The following ITPRIPL2 variants were observed in gnomAD, a reference collection of about 807,000 sequenced individuals.
ITPRIPL2 encodes ITPRIP like 2.
ITPRIPL2 carries 29 observed loss-of-function variants against 31.7 expected under a neutral mutation model. That is an observed-to-expected ratio of 0.91 (90% CI 0.68 to 1.25). ITPRIPL2 has a LOEUF of 1.25. Among genes scored for constraint, ITPRIPL2 ranks in the 50% most tolerant of loss-of-function variants. The pLI, the probability that ITPRIPL2 is intolerant of heterozygous loss-of-function variation, is 0.00. For missense variants in ITPRIPL2, 696 were observed against 739.1 expected (o/e 0.94, Z 0.68); for synonymous variants, 344 against 343.4 (o/e 1.00, Z -0.02).
chr16:19,115,218 C>A lies in ITPRIPL2; in HGVS notation c.757C>A (p.Arg253Ser), dbSNP rs1408005559. The change falls in exon 1 of 1, where the codon CGC (arginine) becomes AGC (serine). Residue 253 changes from arginine to serine, a missense_variant. Physicochemically the swap from Arg to Ser is moderately radical, Grantham distance 110 (BLOSUM62 -1). Transcript: ENST00000381440. ...TCACCTCTCTGCTACTCTGGTGCTG[C>A]GCTGGTTCCAGTCGCATCTGCAGCG... is the stretch of plus-strand genomic sequence containing the variant. ...RRHLSATLVL[R>S]WFQSHLQRSL... 3.1e-6 allele frequency: 5 copies of A among 1,609,526 alleles called. No homozygotes were observed. The highest frequency in any genetic ancestry group is 4.2e-6 in the Non-Finnish European group (5 of 1,180,012).
chr16:19,116,284 C>T lies in ITPRIPL2; in HGVS notation c.*215C>T. 1 of 514,218 alleles carries T rather than the reference C, an allele frequency of 1.9e-6. No homozygotes were observed. The highest frequency in any genetic ancestry group is 3.5e-6 in the Non-Finnish European group (1 of 286,398). 31.9% of individuals were successfully genotyped at this position (514,218 alleles called of 1,614,324 possible). ...CACCCACTAGAGTGTCCTGGGCAAA[C>T]CATGGGAAGACATCCAACAGGAGAC... On this transcript the variant is annotated 3_prime_UTR_variant, in exon 1 of 1. Coordinates refer to ENST00000381440, the MANE Select transcript of ITPRIPL2 (RefSeq NM_001034841.4).
At position 19,115,017 on chromosome 16, in the gene ITPRIPL2, G is replaced by T; in HGVS notation, c.556G>T (p.Val186Leu). Reference sequence around the variant, plus strand: ...GGTGCCACTGCGCCTCCCGCCGCTTGTGGCGCTGGAGCCACGGAGCCTGGG... The same window carrying T: ...GGTGCCACTGCGCCTCCCGCCGCTTTTGGCGCTGGAGCCACGGAGCCTGGG... Reference protein sequence around the residue: ...VLVPLRLPPLVALEPRSLGEE... With the variant: ...VLVPLRLPPLLALEPRSLGEE... Residue 186 changes from valine (V) to leucine (L), a missense_variant, in exon 1 of 1, where the codon GTG becomes TTG. Physicochemically the swap from Val to Leu is conservative, Grantham distance 32 (BLOSUM62 1). Transcript: ENST00000381440. The T allele has an allele frequency of 6.3e-7, 1 of 1,598,890 alleles. No individual in the cohort carries two copies. Among genetic ancestry groups the T allele is most frequent in the Non-Finnish European group, 8.5e-7 (1 of 1,179,390 alleles).
In ITPRIPL2 at chr16:19,116,725, A is replaced by G. The variant is rs1439571092; in HGVS notation, c.*656A>G. On this transcript the variant is annotated 3_prime_UTR_variant, in exon 1 of 1. Transcript: ENST00000381440. ...AAGGCAATCGAGAGTTGGTTAGAGA[A>G]GCTTCCAGAGAAAATAGCACTTTAT... The G allele has an allele frequency of 1.2e-5, 2 of 167,132 alleles. No individual in the cohort carries two copies. Among genetic ancestry groups the G allele is most frequent in the African/African-American group, 4.8e-5 (2 of 41,480 alleles). 10.4% of individuals were successfully genotyped at this position (167,132 alleles called of 1,614,324 possible).
Position 19,114,349 on chromosome 16 carries a change from A to T in ITPRIPL2, c.-113A>T. ...GCCTGCGTTCGGGAAGCCGCCGCGG[A>T]GGAGGAGACGGGGACAGCGGGGCTG... On this transcript the variant is annotated 5_prime_UTR_variant, in exon 1 of 1. Transcript: ENST00000381440. The T allele has an allele frequency of 1.3e-6, 1 of 799,618 alleles. No homozygotes were observed. The highest frequency in any genetic ancestry group is 1.7e-6 in the Non-Finnish European group (1 of 592,876). 49.5% of individuals were successfully genotyped at this position (799,618 alleles called of 1,614,324 possible).
rs747687077 is a variant in ITPRIPL2 at position 19,114,012 on chromosome 16, C to A, written c.-450C>A. 18 of 396,460 alleles carry A rather than the reference C, an allele frequency of 4.5e-5. No individual in the cohort carries two copies. Among genetic ancestry groups the A allele is most frequent in the Non-Finnish European group, 7.6e-5 (17 of 224,690 alleles). 24.6% of individuals were successfully genotyped at this position (396,460 alleles called of 1,614,324 possible). ...TCGGCTCCAGACTCCGGCATTTCCTCCCCGCTAGCTGGCGCGGCCTCGCCT... is the reference window on the plus strand; with the variant it reads ...TCGGCTCCAGACTCCGGCATTTCCTACCCGCTAGCTGGCGCGGCCTCGCCT... On this transcript the variant is annotated 5_prime_UTR_variant, in exon 1 of 1. Transcript: ENST00000381440.
Position 19,115,545 on chromosome 16 carries a change from C to A in ITPRIPL2, c.1084C>A (p.Leu362Met). The change falls in exon 1 of 1, where the codon CTG becomes ATG. Residue 362 changes from leucine (L) to methionine (M), a missense_variant. By Grantham distance (15) the Leu-to-Met change is conservative. Coordinates refer to ENST00000381440, the MANE Select transcript of ITPRIPL2 (RefSeq NM_001034841.4). ...ARQEQKLLSW[L>M]QERAAPGACY... is the part of the protein sequence containing the mutation. ...CCAGGAGCAGAAGCTGCTGAGTTGG[C>A]TGCAGGAACGGGCAGCTCCAGGTGC... The A allele has an allele frequency of 6.2e-7, 1 of 1,602,368 alleles. No individual in the cohort carries two copies. The highest frequency in any genetic ancestry group is 8.5e-7 in the Non-Finnish European group (1 of 1,178,126).
rs1963396214 is a variant in ITPRIPL2 at position 19,114,080 on chromosome 16, C to CAGGCGCGGAG, written c.-378_-369dup. ...ACTCCCGGGGTCCGAGTAACAGGGT[C>CAGGCGCGGAG]AGGCGCGGAGAGGAGCGGCGGGAGA... On this transcript the variant is annotated 5_prime_UTR_variant, in exon 1 of 1. Coordinates refer to ENST00000381440, the MANE Select transcript of ITPRIPL2 (RefSeq NM_001034841.4). 2.5e-6 allele frequency: 1 copy of CAGGCGCGGAG among 397,698 alleles called. No homozygotes were observed. Among genetic ancestry groups the CAGGCGCGGAG allele is most frequent in the Non-Finnish European group, 4.4e-6 (1 of 225,458 alleles). The allele number at this position is 397,698 out of a possible 1,614,324, so 24.6% of individuals were successfully genotyped here. A position where few individuals can be genotyped will look rare whatever the true frequency, so the allele number is the denominator to read the frequency against.
rs1434522787 is a variant in ITPRIPL2 at position 19,115,762 on chromosome 16, T to C, written c.1301T>C (p.Leu434Ser). The change falls in exon 1 of 1, where the codon TTG becomes TCG. Residue 434 changes from leucine (L) to serine (S), a missense_variant. Transcript: ENST00000381440. ...GACGAGGAGCACCTGGGAAGGTGTT[T>C]GGAGGAGTTGGTGCAGTTCCTTAGG... ...GWDEEHLGRC[L>S]EELVQFLRDC... 6.2e-7 allele frequency: 1 copy of C among 1,613,018 alleles called. No homozygotes were observed. Among genetic ancestry groups the C allele is most frequent in the Non-Finnish European group, 8.5e-7 (1 of 1,179,986 alleles).
Position 19,115,907 on chromosome 16 carries a change from C to G in ITPRIPL2, c.1446C>G (p.Ala482=). The G allele has an allele frequency of 6.2e-7, 1 of 1,612,070 alleles. No homozygotes were observed. The highest frequency in any genetic ancestry group is 2.2e-5 in the East Asian group (1 of 44,868). Reference sequence around the variant, plus strand: ...AAGCCGCCCCAGTTGACCTCCTGGCCGCTTTCGACGGGCACGCCCGGGAAC... The same window carrying G: ...AAGCCGCCCCAGTTGACCTCCTGGCGGCTTTCGACGGGCACGCCCGGGAAC... ...LREAAPVDLL[A]AFDGHARELA... The change falls in exon 1 of 1, where the codon GCC becomes GCG. Residue 482 remains alanine (A), a synonymous_variant. Transcript: ENST00000381440.
rs973386789 is a variant in ITPRIPL2, at chr16:19,119,150, C to G, written c.*3081C>G. The G allele has an allele frequency of 2.7e-5, 11 of 412,754 alleles. No homozygotes were observed. The highest frequency in any genetic ancestry group is 1.2e-3 in the Middle Eastern group (2 of 1,610). The allele number at this position is 412,754 out of a possible 1,614,324, so 25.6% of individuals were successfully genotyped here. ...CTTCCTGGAATGATCGTGGGCTGAGCGGAGATGTTTTTTGCAAAATGAAAC... is the reference window on the plus strand; with the variant it reads ...CTTCCTGGAATGATCGTGGGCTGAGGGGAGATGTTTTTTGCAAAATGAAAC... On this transcript the variant is annotated 3_prime_UTR_variant, in exon 1 of 1. Transcript: ENST00000381440.
rs1963394982 is a variant in ITPRIPL2 at position 19,114,015 on chromosome 16, C to G, written c.-447C>G. On this transcript the variant is annotated 5_prime_UTR_variant, in exon 1 of 1. Transcript: ENST00000381440. ...GCTCCAGACTCCGGCATTTCCTCCC[C>G]GCTAGCTGGCGCGGCCTCGCCTCCC... The G allele has an allele frequency of 1.5e-5, 6 of 396,690 alleles. No individual in the cohort carries two copies. The highest frequency in any genetic ancestry group is 2.2e-5 in the Non-Finnish European group (5 of 224,772). The allele number at this position is 396,690 out of a possible 1,614,324, so 24.6% of individuals were successfully genotyped here.
chr16:19,114,950 C>T lies in ITPRIPL2; in HGVS notation c.489C>T (p.Tyr163=), dbSNP rs967311731. ...ACTTCATCCAGGTGGGCAGCGCCTA[C>T]GAGCAACATAAAATCCGCCGGCCCG... ...RGDFIQVGSA[Y]EQHKIRRPDS... Residue 163 remains tyrosine (Y), a synonymous_variant, in exon 1 of 1, where the codon TAC becomes TAT. Transcript: ENST00000381440. 3 of 1,607,046 alleles carry T rather than the reference C, an allele frequency of 1.9e-6. No individual in the cohort carries two copies. Among genetic ancestry groups the T allele is most frequent in the African/African-American group, 2.7e-5 (2 of 74,922 alleles).
Position 19,115,958 on chromosome 16 carries a change from G to T in ITPRIPL2, c.1497G>T (p.Thr499=). The T allele has an allele frequency of 6.2e-7, 1 of 1,612,940 alleles. No homozygotes were observed. Among genetic ancestry groups the T allele is most frequent in the Non-Finnish European group, 8.5e-7 (1 of 1,179,860 alleles). ...TTGCAGCAGCGCGGTTGCTGTCCAC[G>T]TGGCAAAGGCTGCCCCAGCTTCTCC... ...RELAAARLLS[T]WQRLPQLLRA... The change falls in exon 1 of 1, where the codon ACG becomes ACT. Residue 499 remains threonine (T), a synonymous_variant. Transcript: ENST00000381440.
In ITPRIPL2 at chr16:19,115,739, C is replaced by T; in HGVS notation, c.1278C>T (p.Asp426=). The T allele has an allele frequency of 6.2e-7, 1 of 1,613,020 alleles. No homozygotes were observed. The highest frequency in any genetic ancestry group is 1.7e-4 in the Middle Eastern group (1 of 6,060). Residue 426 remains aspartate (D), a synonymous_variant, in exon 1 of 1, where the codon GAC becomes GAT. Transcript: ENST00000381440. ...LRKGAPGQGW[D]EEHLGRCLEE... is the part of the protein sequence containing the mutation. ...AGGGGGCCCCTGGGCAAGGCTGGGACGAGGAGCACCTGGGAAGGTGTTTGG... is the reference window on the plus strand; with the variant it reads ...AGGGGGCCCCTGGGCAAGGCTGGGATGAGGAGCACCTGGGAAGGTGTTTGG...
In ITPRIPL2 at chr16:19,119,069, C is replaced by T. The variant is rs1490751256; in HGVS notation, c.*3000C>T. 1.7e-5 allele frequency: 7 copies of T among 413,372 alleles called. No homozygotes were observed. Among genetic ancestry groups the T allele is most frequent in the Non-Finnish European group, 3.1e-5 (7 of 226,154 alleles). 25.6% of individuals were successfully genotyped at this position (413,372 alleles called of 1,614,324 possible). On this transcript the variant is annotated 3_prime_UTR_variant, in exon 1 of 1. Transcript: ENST00000381440. ...GAAAATGTTTCTGGGGAAGATGACT[C>T]AGTCATTTTGTGGCGAGACACCCTT...
In ITPRIPL2 at chr16:19,118,627, A is replaced by T. The variant is rs1963475002; in HGVS notation, c.*2558A>T. The T allele has an allele frequency of 1.1e-5, 2 of 183,674 alleles. No individual in the cohort carries two copies. Among genetic ancestry groups the T allele is most frequent in the Admixed American group, 6.3e-5 (1 of 15,782 alleles). The allele number at this position is 183,674 out of a possible 1,614,324, so 11.4% of individuals were successfully genotyped here. On this transcript the variant is annotated 3_prime_UTR_variant, in exon 1 of 1. Coordinates refer to ENST00000381440, the MANE Select transcript of ITPRIPL2 (RefSeq NM_001034841.4). ...TTTCAGGTTAATTACCCAAAGCCTC[A>T]TCCATCCTCAAGGTTTTTAAATTTT...
rs1963433288 is a variant in ITPRIPL2 at position 19,115,699 on chromosome 16, C to G, written c.1238C>G (p.Ala413Gly). 6.2e-7 allele frequency: 1 copy of G among 1,612,828 alleles called. No individual in the cohort carries two copies. The highest frequency in any genetic ancestry group is 1.1e-5 in the South Asian group (1 of 91,066). ...TATGTGCTCAAGACAGTGCTGCTGGCAGTGCTGCTGCGCAAGGGGGCCCCT... is the reference window on the plus strand; with the variant it reads ...TATGTGCTCAAGACAGTGCTGCTGGGAGTGCTGCTGCGCAAGGGGGCCCCT... ...SSYVLKTVLL[A>G]VLLRKGAPGQ... Residue 413 changes from alanine to glycine, a missense_variant, in exon 1 of 1, where the codon GCA becomes GGA. Coordinates refer to ENST00000381440, the MANE Select transcript of ITPRIPL2 (RefSeq NM_001034841.4).
chr16:19,117,354 C>T lies in ITPRIPL2; in HGVS notation c.*1285C>T, dbSNP rs918595304. The T allele has an allele frequency of 6.0e-6, 1 of 167,036 alleles. No homozygotes were observed. The highest frequency in any genetic ancestry group is 2.4e-5 in the African/African-American group (1 of 41,434). The allele number at this position is 167,036 out of a possible 1,614,324, so 10.3% of individuals were successfully genotyped here. ...GCTTGAAGATCAGTTACTCCCTGGT[C>T]GTGGGCAGAGGAGACAAATTAGGAA... On this transcript the variant is annotated 3_prime_UTR_variant, in exon 1 of 1. Transcript: ENST00000381440.
In ITPRIPL2 at chr16:19,115,537, T is replaced by G. The variant is rs777245022; in HGVS notation, c.1076T>G (p.Leu359Arg). 1.2e-6 allele frequency: 2 copies of G among 1,602,772 alleles called. No individual in the cohort carries two copies. Among genetic ancestry groups the G allele is most frequent in the South Asian group, 2.2e-5 (2 of 90,852 alleles). The change falls in exon 1 of 1, where the codon CTG (leucine) becomes CGG (arginine). Residue 359 changes from leucine (L) to arginine (R), a missense_variant. By Grantham distance (102) the Leu-to-Arg change is moderately radical. Coordinates refer to ENST00000381440, the MANE Select transcript of ITPRIPL2 (RefSeq NM_001034841.4). Reference protein sequence around the residue: ...VNTARQEQKLLSWLQERAAPG... With the variant: ...VNTARQEQKLRSWLQERAAPG... The stretch of plus-strand genomic sequence containing the variant: ...ACAGCACGCCAGGAGCAGAAGCTGC[T>G]GAGTTGGCTGCAGGAACGGGCAGCT...
Sources: gnomAD v4.1 joint callset for allele counts on GRCh38, gnomAD v4.1.1 for gene constraint, MANE v1.5 for transcripts, NCBI Gene and HGNC (gene_info 2026-07-23, HGNC 2026-07-21) for gene names.